UCP3: variants seen among roughly 807,000 people sequenced by gnomAD.
UCP3 encodes the protein putative mitochondrial transporter UCP3.
A neutral mutation model predicts 28.1 loss-of-function variants in UCP3; 24 were observed. The ratio of observed to expected loss-of-function variants is 0.85; its 90% CI spans 0.62 to 1.20. The LOEUF (loss-of-function observed/expected upper bound fraction) is 1.20. Among genes scored for constraint, UCP3 ranks in the 50% most tolerant of loss-of-function variants. UCP3 has a pLI of 0.00. For synonymous variants in UCP3, 184 were observed against 171.2 expected, an observed-to-expected ratio of 1.07 and a Z score of -0.59; for missense variants, 397 against 422.2, an observed-to-expected ratio of 0.94 and a Z score of 0.52.
chr11:74,003,615 T>G (rs1951636380), intron 6 of UCP3: 3 of 1,344,862 alleles, frequency 2.2e-6, no homozygotes, highest in East Asian at 5.7e-5. Context: ...ATTCCTGGAG[T>G]GTTTGTTCTC....
intron 6 of UCP3, 122 bp downstream of exon 6, chr11:74,003,705 T>C: frequency 2.7e-6 from 4 of 1,463,550 alleles, no homozygotes; most frequent in Non-Finnish European, 3.6e-6. Flanking sequence ...AACTTCTTCT[T>C]TGTGGCATTT....
chr11:74,003,319 C>G, intron 6 of UCP3: 3 of 258,338 alleles, frequency 1.2e-5, no homozygotes, highest in Non-Finnish European at 1.8e-5. Context: ...AAAATGGTAT[C>G]AAATGGCATT....
intron 2 of UCP3, 73 bp from the exon 3 acceptor site, chr11:74,006,452 T>G (rs145909654): frequency 7.0e-7 from 1 of 1,424,574 alleles, no homozygotes; most frequent in Non-Finnish European, 9.2e-7. Context: ...GGAACCCTGC[T>G]GGGGCTGGGC....
At position 74,006,347 on chromosome 11, in the gene UCP3, G is replaced by C. The variant is rs1392064876; in HGVS notation, c.159C>G (p.Ala53=). Residue 53 remains alanine, a synonymous_variant, in exon 3 of 7, where the codon GCC becomes GCG. Transcript: ENST00000314032. ...IQGENQAVQT[A]RLVQYRGVLG... ...GCACGCCACGGTACTGCACGAGCCGGGCCGTCTGGACCGCCTGGTTCTCCC... is the reference window on the plus strand; with the variant it reads ...GCACGCCACGGTACTGCACGAGCCGCGCCGTCTGGACCGCCTGGTTCTCCC... 1.9e-6 allele frequency: 3 copies of C among 1,588,844 alleles called. No individual in the cohort carries two copies. Among genetic ancestry groups the C allele is most frequent in the Non-Finnish European group, 2.6e-6 (3 of 1,169,232 alleles).
chr11:74,005,803 G>A lies in UCP3; in HGVS notation c.468C>T (p.Asp156=). The A allele has an allele frequency of 1.2e-6, 2 of 1,614,206 alleles. No individual in the cohort carries two copies. Among genetic ancestry groups the A allele is most frequent in the Non-Finnish European group, 1.7e-6 (2 of 1,180,034 alleles). Residue 156 remains aspartate (D), a synonymous_variant, in exon 4 of 7, where the codon GAC becomes GAT. Transcript: ENST00000314032. The part of the protein sequence containing the change: ...ASIHLGPSRS[D]RKYSGTMDAY... ...CGTCCATAGTCCCGCTGTATTTTCTGTCGCTCCTGGATGGCCCGAGGTGTA... is the reference window on the plus strand; with the variant it reads ...CGTCCATAGTCCCGCTGTATTTTCTATCGCTCCTGGATGGCCCGAGGTGTA...
Position 74,005,637 on chromosome 11 carries a change from G to A in UCP3, c.541+93C>T, listed in dbSNP as rs1951658044. 4.3e-6 allele frequency: 6 copies of A among 1,396,000 alleles called. No homozygotes were observed. The East Asian group carries it at 1.1e-4, about 27-fold the overall frequency. The allele number at this position is 1,396,000 out of a possible 1,614,324, so 86.5% of individuals were successfully genotyped here. A position where few individuals can be genotyped will look rare whatever the true frequency, so the allele number is the denominator to read the frequency against. On this transcript the variant is annotated intron_variant, in intron 4 of 6. Coordinates refer to ENST00000314032, the MANE Select transcript of UCP3 (RefSeq NM_003356.4). ...TTTCAGAATCACTGGAACACGCCAT[G>A]CTGGGAGTCCCCTCCTTACTGGGGT...
At chr11:74,003,028 C>A in intron 6 of UCP3, 1 of 831,020 alleles carries the variant, frequency 1.2e-6, no homozygotes, top group Non-Finnish European at 1.5e-6. Context: ...ACTTTTCTGA[C>A]ACTCAGTCTT....
At chr11:74,001,810 G>T in intron 6 of UCP3, 2 of 405,796 alleles carry the variant, frequency 4.9e-6, no homozygotes, top group Non-Finnish European at 4.6e-6. Flanking sequence ...TTGCTGCCAG[G>T]CTCTTTTTCA....
chr11:74,006,068 TCCC>T, intron 3 of UCP3, 98 bp downstream of exon 3: 2 of 1,566,042 alleles, frequency 1.3e-6, no homozygotes, highest in Non-Finnish European at 1.7e-6. Flanking sequence ...GGTACCAGCT[TCCC>T]CCCGCCCCTG....
intron 5 of UCP3, 32 bp from the exon 6 acceptor site, chr11:74,004,039 G>C (rs766306172): frequency 1.2e-6 from 2 of 1,611,072 alleles, no homozygotes; most frequent in East Asian, 2.2e-5. Context: ...ATATCAAGGA[G>C]TGCATTTGTG....
rs1951643486 is a variant in UCP3 at position 74,004,392 on chromosome 11, A to C, written c.643+92T>G. ...TGCTTCTCTCTCTGCTCCTTCTAAA[A>C]CCCAGTTGCCTCTGGGTGGTGCCCA... On this transcript the variant is annotated intron_variant, in intron 5 of 6. Coordinates refer to ENST00000314032, the MANE Select transcript of UCP3 (RefSeq NM_003356.4). 3 of 1,195,814 alleles carry C rather than the reference A, an allele frequency of 2.5e-6. No homozygotes were observed. In the Admixed American group the frequency reaches 6.2e-5, roughly 25 times the overall value. 74.1% of individuals were successfully genotyped at this position (1,195,814 alleles called of 1,614,324 possible).
chr11:74,006,434 C>G, intron 2 of UCP3, 55 bp from the exon 3 acceptor site: 4 of 1,461,284 alleles, frequency 2.7e-6, no homozygotes, highest in Non-Finnish European at 3.6e-6. Flanking sequence ...GAAGGGGCTG[C>G]GTGCACAGGA....
Position 74,001,280 on chromosome 11 carries a change from G to T in UCP3, c.*132C>A. The T allele has an allele frequency of 1.2e-6, 1 of 844,280 alleles. No individual in the cohort carries two copies. Among genetic ancestry groups the T allele is most frequent in the Non-Finnish European group, 1.9e-6 (1 of 528,466 alleles). The allele number at this position is 844,280 out of a possible 1,614,324, so 52.3% of individuals were successfully genotyped here. A position where few individuals can be genotyped will look rare whatever the true frequency, so the allele number is the denominator to read the frequency against. On this transcript the variant is annotated 3_prime_UTR_variant, in exon 7 of 7. Transcript: ENST00000314032. Reference sequence around the variant, plus strand: ...TCCTCCTCTTCTACTTCTGTTTCTTGAATCAGCAACAAGTAAACAACAGTT... The same window carrying T: ...TCCTCCTCTTCTACTTCTGTTTCTTTAATCAGCAACAAGTAAACAACAGTT...
Position 74,003,696 on chromosome 11 carries a change from ACTT to A in UCP3, c.824+128_824+130del, listed in dbSNP as rs879522571. Reference sequence around the variant, plus strand: ...TTCTTTTACTTGCATGGTTTTTTAAACTTCTTCTTTGTGGCATTTACATCTGTA... The same window carrying A: ...TTCTTTTACTTGCATGGTTTTTTAAACTTCTTTGTGGCATTTACATCTGTA... On this transcript the variant is annotated intron_variant, in intron 6 of 6. Transcript: ENST00000314032. 8.9e-6 allele frequency: 13 copies of A among 1,460,000 alleles called. No homozygotes were observed. In the Admixed American group the frequency reaches 1.7e-4, roughly 19 times the overall value. 90.4% of individuals were successfully genotyped at this position (1,460,000 alleles called of 1,614,324 possible).
chr11:74,006,077 C>T (rs1951663127), intron 3 of UCP3, 92 bp downstream of exon 3: 2 of 1,575,458 alleles, frequency 1.3e-6, no homozygotes, highest in Non-Finnish European at 1.7e-6. Context: ...TTCCCCCCGC[C>T]CCTGGCTCTG....
intron 4 of UCP3, among the ~76,000 whole-genome samples, 174 bp from the exon 5 acceptor site, chr11:74,004,759 T>C (rs1346446058): frequency 6.6e-6 from 1 of 152,228 alleles, no homozygotes; most frequent in Non-Finnish European, 1.5e-5. Context: ...TTCCACATTT[T>C]CCTTTCTAGG....
intron 6 of UCP3, 146 bp from the exon 7 acceptor site, chr11:74,001,672 TCTC>T (rs1951622727): frequency 8.6e-6 from 6 of 698,798 alleles, no homozygotes; most frequent in Middle Eastern, 3.4e-4. Context: ...AGTCTCTCTC[TCTC>T]TTTTTTTTTT....
chr11:74,006,340 C>A lies in UCP3; in HGVS notation c.166G>T (p.Val56Leu), dbSNP rs145163696. The part of the protein sequence containing the change: ...ENQAVQTARL[V>L]QYRGVLGTIL... ...GTGCCCAGCACGCCACGGTACTGCA[C>A]GAGCCGGGCCGTCTGGACCGCCTGG... The change falls in exon 3 of 7, where the codon GTG (valine) becomes TTG (leucine). Residue 56 changes from valine (V) to leucine (L), a missense_variant. By Grantham distance (32) the Val-to-Leu change is conservative (BLOSUM62 1). Coordinates refer to ENST00000314032, the MANE Select transcript of UCP3 (RefSeq NM_003356.4). 4.4e-6 allele frequency: 7 copies of A among 1,590,000 alleles called. No individual in the cohort carries two copies. Among genetic ancestry groups the A allele is most frequent in the East Asian group, 2.2e-5 (1 of 44,456 alleles).
intron 6 of UCP3, 106 bp downstream of exon 6, chr11:74,003,721 T>A: frequency 6.7e-7 from 1 of 1,501,908 alleles, no homozygotes; most frequent in Non-Finnish European, 8.8e-7. Flanking sequence ...CATTTACATC[T>A]GTACTCTTCA....
Sources: allele counts gnomAD v4.1 joint callset (sites outside exome capture counted in the v4.1 genomes callset), GRCh38; gene constraint gnomAD v4.1.1; transcripts MANE v1.5; gene names NCBI Gene and HGNC (gene_info 2026-07-23, HGNC 2026-07-21).